CA2: variants seen among roughly 807,000 people sequenced by gnomAD.
CA2 encodes carbonate dehydratase II.
A neutral mutation model predicts 27.8 loss-of-function variants in CA2; 23 were observed. The observed-to-expected ratio is 0.83, with a 90% confidence interval of 0.59 to 1.17. CA2 has a LOEUF of 1.17. Ranked by LOEUF, CA2 falls within the 50% of genes most tolerant of loss-of-function variation. CA2 has a pLI of 0.00. For missense variants in CA2, 300 were observed against 314.7 expected, an observed-to-expected ratio of 0.95 and a Z score of 0.35; for synonymous variants, 99 against 114.9, an observed-to-expected ratio of 0.86 and a Z score of 0.88.
At chr8:85,474,046 T>C (rs1811749916) in intron 3 of CA2, 1 of 606,030 alleles carries the variant, frequency 1.7e-6, no homozygotes, top group Non-Finnish European at 2.9e-6. Flanking sequence ...GGACTCAAAC[T>C]GGAGGATCCT....
chr8:85,480,297 C>T (rs944438876), intron 6 of CA2, among the ~76,000 whole-genome samples: 6 of 152,136 alleles, frequency 3.9e-5, no homozygotes, highest in Admixed American at 6.6e-5. Flanking sequence ...CTTGCTCTGT[C>T]GCCTAGGCTG....
intron 6 of CA2, among the ~76,000 whole-genome samples, chr8:85,478,082 A>G (rs1811832196): frequency 6.6e-6 from 1 of 152,238 alleles, no homozygotes; most frequent in South Asian, 2.1e-4. Context: ...AATGTGCAAT[A>G]GAGATCATGT....
chr8:85,467,710 A>C (rs1253072166), intron 2 of CA2, among the ~76,000 whole-genome samples: 2 of 152,220 alleles, frequency 1.3e-5, no homozygotes, highest in Admixed American at 6.5e-5. Context: ...ATATTTTACC[A>C]TGAATCTGTT....
intron 6 of CA2, among the ~76,000 whole-genome samples, chr8:85,477,664 G>C (rs1811825059): frequency 6.6e-6 from 1 of 151,804 alleles, no homozygotes; most frequent in Non-Finnish European, 1.5e-5. Context: ...AGGGCTTTCT[G>C]CTATTTTATT....
At position 85,481,276 on chromosome 8, in the gene CA2, C is replaced by CT. The variant is rs1811886943; in HGVS notation, c.*490dup. 1 of 153,866 alleles carries CT rather than the reference C, an allele frequency of 6.5e-6. No homozygotes were observed. Among genetic ancestry groups the CT allele is most frequent in the Non-Finnish European group, 1.5e-5 (1 of 68,948 alleles). 9.5% of individuals were successfully genotyped at this position (153,866 alleles called of 1,614,324 possible). A position where few individuals can be genotyped will look rare whatever the true frequency, so the allele number is the denominator to read the frequency against. On this transcript the variant is annotated 3_prime_UTR_variant, in exon 7 of 7. Coordinates refer to ENST00000285379, the MANE Select transcript of CA2 (RefSeq NM_000067.3). ...TTCAAGATGTTATATTAAAGAAAAA[C>CT]TTTAAAAATTATTATATATTTATAG...
At chr8:85,470,273 T>C (rs1429568057) in intron 2 of CA2, among the ~76,000 whole-genome samples, 2 of 152,168 alleles carry the variant, frequency 1.3e-5, no homozygotes, top group African/African-American at 4.8e-5. Context: ...CACGTAGCCC[T>C]AGGATTATTG....
intron 5 of CA2, 86 bp downstream of exon 5, chr8:85,475,946 C>G: frequency 9.9e-7 from 1 of 1,013,328 alleles, no homozygotes; most frequent in Non-Finnish European, 1.6e-6. Flanking sequence ...TCAAATTGCA[C>G]AGTCTCAATG....
Position 85,464,029 on chromosome 8 carries a change from G to A in CA2, c.-53G>A. ...GACACACAGTGCAGGCGCCCAAGCC[G>A]CCGCCGCCAGATCGGTGCCGATTCC... On this transcript the variant is annotated 5_prime_UTR_variant, in exon 1 of 7. Transcript: ENST00000285379. The A allele has an allele frequency of 6.5e-7, 1 of 1,531,822 alleles. No individual in the cohort carries two copies. Among genetic ancestry groups the A allele is most frequent in the South Asian group, 1.2e-5 (1 of 83,714 alleles). 94.9% of individuals were successfully genotyped at this position (1,531,822 alleles called of 1,614,324 possible). A position where few individuals can be genotyped will look rare whatever the true frequency, so the allele number is the denominator to read the frequency against.
chr8:85,480,447 T>TG (rs1811871734), intron 6 of CA2, among the ~76,000 whole-genome samples: 1 of 140,900 alleles, frequency 7.1e-6, no homozygotes, highest in Admixed American at 6.9e-5. Context: ...GTGTGTGTGT[T>TG]TTTTTTTTTG....
At chr8:85,469,695 T>C (rs1325879222) in intron 2 of CA2, among the ~76,000 whole-genome samples, 2 of 152,228 alleles carry the variant, frequency 1.3e-5, no homozygotes, top group East Asian at 3.8e-4. Flanking sequence ...TCCTGCTTTA[T>C]TGCAAAGTTA....
At chr8:85,473,866 T>A in intron 3 of CA2, 55 bp downstream of exon 3, 1 of 979,152 alleles carries the variant, frequency 1.0e-6, no homozygotes, top group Non-Finnish European at 1.7e-6. Context: ...AGTTGATATT[T>A]AGCATTAATT....
chr8:85,480,520 C>A, intron 6 of CA2, 150 bp from the exon 7 acceptor site: 1 of 694,008 alleles, frequency 1.4e-6, no homozygotes, highest in Non-Finnish European at 2.5e-6. Context: ...AAGTGATCCA[C>A]CCGCCTCATG....
In CA2 at chr8:85,477,119, G is replaced by A; in HGVS notation, c.508-1G>A. On this transcript the variant is annotated splice_acceptor_variant, in intron 5 of 6. Transcript: ENST00000285379. LOFTEE classifies it high-confidence loss of function. Reference sequence around the variant, plus strand: ...GAAGCTGCGTATTTGCCTTGTTCTAGGGCAAGAGTGCTGACTTCACTAACT... The same window carrying A: ...GAAGCTGCGTATTTGCCTTGTTCTAAGGCAAGAGTGCTGACTTCACTAACT... 1 of 1,613,968 alleles carries A rather than the reference G, an allele frequency of 6.2e-7. No homozygotes were observed.
chr8:85,464,196 C>T, intron 1 of CA2, 81 bp downstream of exon 1: 3 of 1,337,656 alleles, frequency 2.2e-6, no homozygotes, highest in South Asian at 2.7e-5. Context: ...GATGCCGGCC[C>T]GGGGCCCGCA....
intron 6 of CA2, among the ~76,000 whole-genome samples, chr8:85,479,117 G>T (rs543699503): frequency 1.4e-3 from 210 of 152,156 alleles, no homozygotes; most frequent in African/African-American, 4.7e-3. Context: ...GTATGGGGGG[G>T]CGTGGATTTT....
chr8:85,469,840 TGA>T (rs1322319932), intron 2 of CA2, among the ~76,000 whole-genome samples: 1 of 152,212 alleles, frequency 6.6e-6, no homozygotes, highest in Non-Finnish European at 1.5e-5. Flanking sequence ...GGAAGCTGGA[TGA>T]GTTTACCTGT....
intron 2 of CA2, among the ~76,000 whole-genome samples, chr8:85,466,705 C>T (rs888940194): frequency 6.8e-6 from 1 of 146,074 alleles, no homozygotes; most frequent in Non-Finnish European, 1.5e-5. Flanking sequence ...CACACACACA[C>T]TTACAATCAT....
Position 85,480,809 on chromosome 8 carries a change from T to C in CA2, c.*20T>C, listed in dbSNP as rs1443224674. 1 of 1,613,138 alleles carries C rather than the reference T, an allele frequency of 6.2e-7. No homozygotes were observed. Among genetic ancestry groups the C allele is most frequent in the Non-Finnish European group, 8.5e-7 (1 of 1,179,316 alleles). On this transcript the variant is annotated 3_prime_UTR_variant, in exon 7 of 7. Transcript: ENST00000285379. ...AAATAAGATGGTCCCATAGTCTGTA[T>C]CCAAATAATGAATCTTCGGGTGTTT...
intron 2 of CA2, among the ~76,000 whole-genome samples, chr8:85,468,444 C>T (rs1052687234): frequency 1.3e-5 from 2 of 152,162 alleles, no homozygotes; most frequent in African/African-American, 4.8e-5. Flanking sequence ...AAGACATCTA[C>T]AGAATAAATT....
Sources: allele counts gnomAD v4.1 joint callset (sites outside exome capture counted in the v4.1 genomes callset), GRCh38; gene constraint gnomAD v4.1.1; transcripts MANE v1.5; gene names NCBI Gene and HGNC (gene_info 2026-07-23, HGNC 2026-07-21).